Variants in SLC28A1 observed in about 807,000 individuals in gnomAD.
SLC28A1 encodes sodium/nucleoside cotransporter 1.
A neutral mutation model predicts 74.8 loss-of-function variants in SLC28A1; 64 were observed. The observed-to-expected ratio is 0.86, with a 90% CI of 0.70 to 1.05. SLC28A1 has a LOEUF of 1.05. Among genes scored for constraint, SLC28A1 ranks in the 50% least tolerant of loss-of-function variants. The pLI is 0.00. For synonymous variants in SLC28A1, 359 were observed against 335.0 expected (o/e 1.07, Z -0.78); for missense variants, 828 against 822.8 (o/e 1.01, Z -0.08).
At chr15:84,927,596 A>G (rs1449914027) in intron 12 of SLC28A1, among the ~76,000 whole-genome samples, 1 of 152,110 alleles carries the variant, frequency 6.6e-6, no homozygotes, top group Non-Finnish European at 1.5e-5. Flanking sequence ...TAATTTCTTT[A>G]TTGCCACTTT....
At chr15:84,951,453 A>G in the SLC28A1 span, among the ~76,000 whole-genome samples, 1 of 57,994 alleles carries the variant, frequency 1.7e-5, no homozygotes, top group Non-Finnish European at 6.8e-5. Context: ...AAAAAAAAAA[A>G]GAAGGAGTCT....
the SLC28A1 span, among the ~76,000 whole-genome samples, chr15:84,965,910 G>GC: frequency 2.0e-5 from 3 of 148,342 alleles, no homozygotes; most frequent in Admixed American, 6.8e-5. Flanking sequence ...GGGAGGGGGG[G>GC]GAAATATTAG....
chr15:84,929,695 A>C (rs1971056941), intron 12 of SLC28A1, among the ~76,000 whole-genome samples: 1 of 152,198 alleles, frequency 6.6e-6, no homozygotes, highest in African/African-American at 2.4e-5. Flanking sequence ...CTCCACAAAA[A>C]ATTTAAAAAA....
chr15:84,933,341 T>A, intron 13 of SLC28A1, 66 bp downstream of exon 13: 1 of 1,563,390 alleles, frequency 6.4e-7, no homozygotes, highest in South Asian at 1.1e-5. Context: ...AAGCAGAGGG[T>A]CCCGTTCTCT....
At chr15:84,959,950 T>C in the SLC28A1 span, among the ~76,000 whole-genome samples, 7 of 152,196 alleles carry the variant, frequency 4.6e-5, no homozygotes, top group Admixed American at 2.6e-4. Context: ...TATCAACTAG[T>C]GTATCTTACT....
chr15:84,972,157 G>C, the SLC28A1 span, among the ~76,000 whole-genome samples: 1 of 152,212 alleles, frequency 6.6e-6, no homozygotes, highest in Non-Finnish European at 1.5e-5. Context: ...GAGCCAGAAT[G>C]GCTTTTCCCT....
downstream of SLC28A1, among the ~76,000 whole-genome samples, chr15:84,947,097 C>T (rs914101981): frequency 6.6e-6 from 1 of 152,258 alleles, no homozygotes; most frequent in African/African-American, 2.4e-5. Context: ...CAGTGGGCAG[C>T]AGCCTTGCTC....
chr15:84,961,542 TG>T, the SLC28A1 span: 2 of 453,618 alleles, frequency 4.4e-6, no homozygotes, highest in African/African-American at 4.0e-5. Context: ...GGTCTTGCTA[TG>T]TTGACCAGGC....
intron 4 of SLC28A1, among the ~76,000 whole-genome samples, chr15:84,889,674 T>C: frequency 9.8e-6 from 1 of 101,714 alleles, no homozygotes; most frequent in Non-Finnish European, 2.0e-5. Flanking sequence ...CCTTCCTTCC[T>C]TCTTTCCTTC....
intron 9 of SLC28A1, among the ~76,000 whole-genome samples, chr15:84,910,722 G>C (rs544319586): frequency 7.9e-5 from 12 of 152,164 alleles, no homozygotes; most frequent in South Asian, 4.2e-4. Context: ...GAGCGAAACT[G>C]CATCTCAACA....
At chr15:84,913,582 C>G (rs1968659610) in intron 9 of SLC28A1, among the ~76,000 whole-genome samples, 1 of 152,202 alleles carries the variant, frequency 6.6e-6, no homozygotes. Flanking sequence ...ATATTTTTAG[C>G]AAATTCTCAA....
intron 11 of SLC28A1, 29 bp downstream of exon 11, chr15:84,921,098 CTCA>C: frequency 4.5e-6 from 7 of 1,544,042 alleles, no homozygotes; most frequent in Non-Finnish European, 6.3e-6. Context: ...TACCCTCATG[CTCA>C]TCAGCAGCTT....
chr15:84,903,825 C>T (rs756138820), intron 6 of SLC28A1, among the ~76,000 whole-genome samples: 1 of 152,198 alleles, frequency 6.6e-6, no homozygotes, highest in East Asian at 1.9e-4. Context: ...ATATAATCCT[C>T]TCAACAACCT....
At position 84,904,255 on chromosome 15, in the gene SLC28A1, G is replaced by C. The variant is rs1480520582; in HGVS notation, c.603+17G>C. On this transcript the variant is annotated intron_variant, in intron 7 of 18. Coordinates refer to ENST00000394573, the MANE Select transcript of SLC28A1 (RefSeq NM_004213.5). ...CATTGCGCAGTGAGTGCTAGTTGTG[G>C]GGCCCAGGGCTGGAAGTGTTTGCCT... 2.5e-6 allele frequency: 4 copies of C among 1,613,202 alleles called. No homozygotes were observed. Among genetic ancestry groups the C allele is most frequent in the East Asian group, 4.5e-5 (2 of 44,894 alleles).
At chr15:84,898,045 C>T (rs1966192391) in intron 6 of SLC28A1, among the ~76,000 whole-genome samples, 1 of 152,044 alleles carries the variant, frequency 6.6e-6, no homozygotes, top group African/African-American at 2.4e-5. Context: ...TTGATGAGCA[C>T]CTAGGTTGAT....
intron 9 of SLC28A1, among the ~76,000 whole-genome samples, chr15:84,909,090 A>T (rs981782897): frequency 1.3e-5 from 2 of 152,150 alleles, no homozygotes; most frequent in Non-Finnish European, 1.5e-5. Context: ...GTAGCTGAGG[A>T]CAAGAAGTGG....
the SLC28A1 span, among the ~76,000 whole-genome samples, chr15:84,964,882 C>T: frequency 2.0e-5 from 3 of 152,204 alleles, no homozygotes; most frequent in Non-Finnish European, 2.9e-5. Flanking sequence ...AAAGCAAGTG[C>T]GTCTGCAGCT....
chr15:84,971,787 C>T, the SLC28A1 span, among the ~76,000 whole-genome samples: 9 of 152,168 alleles, frequency 5.9e-5, no homozygotes, highest in Non-Finnish European at 1.2e-4. Flanking sequence ...GTAGCTGGGA[C>T]GCCAGGCACG....
intron 12 of SLC28A1, among the ~76,000 whole-genome samples, chr15:84,932,906 A>G (rs936589143): frequency 2.0e-5 from 3 of 152,352 alleles, no homozygotes; most frequent in African/African-American, 7.2e-5. Context: ...TGAAGATAAC[A>G]ATATTTGTCA....
Sources: allele counts gnomAD v4.1 joint callset (sites outside exome capture counted in the v4.1 genomes callset), GRCh38; gene constraint gnomAD v4.1.1; transcripts MANE v1.5; gene names NCBI Gene and HGNC (gene_info 2026-07-23, HGNC 2026-07-21).